UNC13C: variants seen among roughly 807,000 people sequenced by gnomAD.
UNC13C encodes unc-13 homolog C.
A neutral mutation model predicts 245.4 loss-of-function variants in UNC13C; 174 were observed. That is an observed-to-expected ratio of 0.71 (90% CI 0.63 to 0.80). UNC13C has a LOEUF of 0.80. UNC13C is among the 30% of genes least tolerant of loss of function. UNC13C has a pLI of 0.00. For missense variants in UNC13C, 2,829 were observed against 2,602.9 expected, an observed-to-expected ratio of 1.09 and a Z score of -1.89; for synonymous variants, 992 against 895.1, an observed-to-expected ratio of 1.11 and a Z score of -1.93.
chr15:54,586,092 G>T lies in UNC13C; in HGVS notation c.6106+18145G>T, dbSNP rs369632835. ...TAATTTTCAAAGTGATGATTCCCTG[G>T]TCTTTGAGAACAGTATCCTTGGGTC... On this transcript the variant is annotated intron_variant, in intron 30 of 32. Coordinates refer to ENST00000260323, the MANE Select transcript of UNC13C (RefSeq NM_001080534.3). Among the ~76,000 whole-genome samples, 3 of 152,208 alleles carry T rather than the reference G, an allele frequency of 2.0e-5. No individual in the cohort carries two copies. In the East Asian group the frequency reaches 5.8e-4, roughly 29 times the overall value.
Position 54,014,975 on chromosome 15 carries a change from A to G in UNC13C, c.2072A>G (p.Tyr691Cys). The change falls in exon 2 of 33, where the codon TAC becomes TGC. Residue 691 changes from tyrosine (Y) to cysteine (C), a missense_variant. Physicochemically the swap from Tyr to Cys is radical, Grantham distance 194. Coordinates refer to ENST00000260323, the MANE Select transcript of UNC13C (RefSeq NM_001080534.3). Reference sequence around the variant, plus strand: ...CTTTTTGACCAACAGCTTGATGTTTACAATAAAGACCTAGAATACTTGGGA... The same window carrying G: ...CTTTTTGACCAACAGCTTGATGTTTGCAATAAAGACCTAGAATACTTGGGA... ...NSLFDQQLDV[Y>C]NKDLEYLGKC... 1.2e-6 allele frequency: 2 copies of G among 1,613,832 alleles called. No individual in the cohort carries two copies. Among genetic ancestry groups the G allele is most frequent in the Non-Finnish European group, 1.7e-6 (2 of 1,179,842 alleles).
chr15:54,558,699 A>G lies in UNC13C; in HGVS notation c.5958+3187A>G, dbSNP rs545984067. ...AAATATGGCAGGAGTAACAAAAATT[A>G]TGATCATCTGCTGCAGGTAGGATGG... On this transcript the variant is annotated intron_variant, in intron 29 of 32. Coordinates refer to ENST00000260323, the MANE Select transcript of UNC13C (RefSeq NM_001080534.3). Among the ~76,000 whole-genome samples, 97 of 152,164 alleles carry G rather than the reference A, an allele frequency of 6.4e-4. 3 individuals are homozygous for G. In the South Asian group the frequency reaches 0.02, roughly 31 times the overall value.
chr15:54,016,725 G>T (rs757421806), intron 2 of UNC13C, among the ~76,000 whole-genome samples: 1 of 152,064 alleles, frequency 6.6e-6, no homozygotes, highest in African/African-American at 2.4e-5. Flanking sequence ...AACTTCCTCC[G>T]CACTTATTCC....
the UNC13C span, among the ~76,000 whole-genome samples, chr15:53,868,567 TAAG>T: frequency 6.7e-6 from 1 of 150,250 alleles, no homozygotes; most frequent in Non-Finnish European, 1.5e-5. Context: ...GCTTAATGTA[TAAG>T]ATATTCCTGC....
At chr15:54,158,859 C>T (rs899861828) in intron 4 of UNC13C, among the ~76,000 whole-genome samples, 7 of 152,190 alleles carry the variant, frequency 4.6e-5, no homozygotes, top group East Asian at 1.9e-4. Context: ...CACTATGCTG[C>T]CCAGGCTGTT....
chr15:54,528,543 A>G (rs1340954974), intron 25 of UNC13C, among the ~76,000 whole-genome samples: 1 of 151,488 alleles, frequency 6.6e-6, no homozygotes, highest in Non-Finnish European at 1.5e-5. Context: ...TTTCTAGTCT[A>G]TTCTTTTTCT....
chr15:54,462,800 T>C (rs759443624), intron 19 of UNC13C, among the ~76,000 whole-genome samples: 1 of 152,174 alleles, frequency 6.6e-6, no homozygotes, highest in Non-Finnish European at 1.5e-5. Flanking sequence ...CTCCACAGCG[T>C]CTGGTCCCAT....
chr15:54,458,390 C>G (rs1489641619), intron 19 of UNC13C, among the ~76,000 whole-genome samples: 3 of 152,046 alleles, frequency 2.0e-5, no homozygotes, highest in Non-Finnish European at 2.9e-5. Context: ...CTGCAAATAT[C>G]TGTTAAATCC....
At chr15:54,288,607 G>A (rs777094103) in intron 10 of UNC13C, among the ~76,000 whole-genome samples, 19 of 151,998 alleles carry the variant, frequency 1.3e-4, no homozygotes, top group Non-Finnish European at 2.6e-4. Flanking sequence ...CTAGTTGCAG[G>A]GGAGGTTGGG....
At chr15:53,975,314 A>G (rs1172399440), upstream of UNC13C, among the ~76,000 whole-genome samples, 1 of 152,236 alleles carries the variant, frequency 6.6e-6, no homozygotes, top group Admixed American at 6.5e-5. Context: ...TTACTTATAT[A>G]GAGCTAGAAA....
the UNC13C span, among the ~76,000 whole-genome samples, chr15:53,934,700 A>G: frequency 6.6e-6 from 1 of 152,164 alleles, no homozygotes; most frequent in Non-Finnish European, 1.5e-5. Flanking sequence ...CTCATTTCTC[A>G]TAGTTTTCAA....
intron 9 of UNC13C, 140 bp from the exon 10 acceptor site, chr15:54,265,215 C>T (rs1346476650): frequency 3.4e-6 from 2 of 584,978 alleles, no homozygotes; most frequent in African/African-American, 1.9e-5. Context: ...TTTTAAAGTT[C>T]TGTGAGTCAT....
At chr15:54,510,995 C>G (rs141071878) in intron 23 of UNC13C, among the ~76,000 whole-genome samples, 4 of 152,202 alleles carry the variant, frequency 2.6e-5, no homozygotes, top group Admixed American at 6.5e-5. Context: ...TCCTTGGAAA[C>G]AAGTGGAGAA....
intron 2 of UNC13C, among the ~76,000 whole-genome samples, chr15:54,024,348 AC>A (rs1896017365): frequency 1.3e-5 from 2 of 152,210 alleles, no homozygotes; most frequent in African/African-American, 4.8e-5. Context: ...CAAGAGAATT[AC>A]CTAGTTACCT....
rs138872771 is a variant in UNC13C, at chr15:54,354,122, G to A, written c.4713+15633G>A. ...AATAGAGGCTCCCATCAATTAGGAA[G>A]CTATTGAGTCTTGGACAAGTTACTT... On this transcript the variant is annotated intron_variant, in intron 17 of 32. Transcript: ENST00000260323. Among the ~76,000 whole-genome samples, 259 of 152,126 alleles carry A rather than the reference G, an allele frequency of 1.7e-3. 1 individual carries two copies. Among genetic ancestry groups the A allele is most frequent in the African/African-American group, 6.0e-3 (248 of 41,504 alleles).
intron 2 of UNC13C, among the ~76,000 whole-genome samples, chr15:54,042,810 G>A (rs1169932272): frequency 6.6e-6 from 1 of 152,074 alleles, no homozygotes; most frequent in Non-Finnish European, 1.5e-5. Context: ...CCGAGATCGT[G>A]CCACTGCACT....
chr15:54,441,385 A>G (rs1400563063), intron 19 of UNC13C, among the ~76,000 whole-genome samples: 3 of 152,172 alleles, frequency 2.0e-5, no homozygotes, highest in Non-Finnish European at 1.5e-5. Flanking sequence ...TCTTCTACAT[A>G]TAGATGTCTA....
At chr15:54,229,215 G>A (rs1211798137) in intron 4 of UNC13C, among the ~76,000 whole-genome samples, 1 of 152,210 alleles carries the variant, frequency 6.6e-6, no homozygotes, top group African/African-American at 2.4e-5. Context: ...ATGCCATGTG[G>A]TCACTGCCAA....
chr15:54,157,999 G>C (rs929119715), intron 4 of UNC13C, among the ~76,000 whole-genome samples: 1 of 152,180 alleles, frequency 6.6e-6, no homozygotes, highest in Admixed American at 6.5e-5. Context: ...GCCTACTCCA[G>C]CCCTCTACTT....
Sources: allele counts gnomAD v4.1 joint callset (sites outside exome capture counted in the v4.1 genomes callset), GRCh38; gene constraint gnomAD v4.1.1; transcripts MANE v1.5; gene names NCBI Gene and HGNC (gene_info 2026-07-23, HGNC 2026-07-21).